The following GALNTL6 variants were observed in gnomAD, a reference collection of about 807,000 sequenced individuals.
GALNTL6 encodes the protein polypeptide N-acetylgalactosaminyltransferase-like 6.
A neutral mutation model predicts 73.7 loss-of-function variants in GALNTL6; 46 were observed. The ratio of observed to expected loss-of-function variants is 0.62; its 90% CI spans 0.49 to 0.80. The LOEUF (loss-of-function observed/expected upper bound fraction) is 0.80. Among genes scored for constraint, GALNTL6 ranks in the 30% least tolerant of loss-of-function variants. GALNTL6 has a pLI of 0.00. For synonymous variants in GALNTL6, 259 were observed against 263.7 expected, an observed-to-expected ratio of 0.98 and a Z score of 0.17; for missense variants, 604 against 755.0, an observed-to-expected ratio of 0.80 and a Z score of 2.34.
chr4:172,582,642 T>G (rs140231905), intron 5 of GALNTL6, among the ~76,000 whole-genome samples: 1 of 152,182 alleles, frequency 6.6e-6, no homozygotes, highest in Admixed American at 6.5e-5. Flanking sequence ...GATTTACTAC[T>G]AGTTTGTGTT....
chr4:172,077,527 G>A (rs2110914545), intron 2 of GALNTL6, among the ~76,000 whole-genome samples: 1 of 152,232 alleles, frequency 6.6e-6, no homozygotes, highest in South Asian at 2.1e-4. Context: ...AGATGATTTA[G>A]GGTATTTAAC....
intron 2 of GALNTL6, among the ~76,000 whole-genome samples, chr4:172,100,532 T>C (rs2110959301): frequency 6.6e-6 from 1 of 152,284 alleles, no homozygotes; most frequent in East Asian, 1.9e-4. Context: ...ATAATCATTA[T>C]GCCAAAAGGA....
intron 3 of GALNTL6, among the ~76,000 whole-genome samples, chr4:172,230,594 C>G (rs1351532895): frequency 1.3e-5 from 2 of 150,558 alleles, no homozygotes; most frequent in Middle Eastern, 3.2e-3. Flanking sequence ...AAAAAAAAGA[C>G]AAAAAAGAAT....
In GALNTL6 at chr4:172,457,173, G is replaced by T. The variant is rs532447638; in HGVS notation, c.553+108484G>T. Among the ~76,000 whole-genome samples the T allele has an allele frequency of 2.8e-3, 420 of 151,850 alleles. 4 individuals are homozygous for T. The highest frequency in any genetic ancestry group is 0.018 in the South Asian group (87 of 4,814). ...ATGCTGAGAGATTTTGTCACCACCA[G>T]GCCTGCCTTACAAGAGCTCCTGAAG... On this transcript the variant is annotated intron_variant, in intron 5 of 12. Coordinates refer to ENST00000506823, the MANE Select transcript of GALNTL6 (RefSeq NM_001034845.3).
At chr4:171,993,794 A>G (rs540694542) in intron 2 of GALNTL6, among the ~76,000 whole-genome samples, 1 of 151,688 alleles carries the variant, frequency 6.6e-6, no homozygotes, top group Non-Finnish European at 1.5e-5. Flanking sequence ...AAGACATTAT[A>G]TATATATACA....
chr4:171,935,823 T>G (rs932586054), intron 2 of GALNTL6, among the ~76,000 whole-genome samples: 1 of 151,864 alleles, frequency 6.6e-6, no homozygotes, highest in African/African-American at 2.4e-5. Context: ...TGTAGATGAA[T>G]TTTGTGGCTA....
intron 4 of GALNTL6, among the ~76,000 whole-genome samples, chr4:172,339,704 A>G (rs1346058072): frequency 6.6e-6 from 1 of 152,202 alleles, no homozygotes; most frequent in Non-Finnish European, 1.5e-5. Context: ...TGGGAGAAAC[A>G]AAGGGCTCTC....
intron 3 of GALNTL6, among the ~76,000 whole-genome samples, chr4:172,303,793 G>C (rs1740025402): frequency 6.6e-6 from 1 of 151,998 alleles, no homozygotes; most frequent in Non-Finnish European, 1.5e-5. Context: ...CATATATGCT[G>C]TTTTATATCT....
At chr4:172,916,100 A>G (rs1747492241) in intron 8 of GALNTL6, among the ~76,000 whole-genome samples, 2 of 152,244 alleles carry the variant, frequency 1.3e-5, no homozygotes, top group East Asian at 3.8e-4. Flanking sequence ...ACATATGCAA[A>G]TCAATAAGTG....
intron 5 of GALNTL6, among the ~76,000 whole-genome samples, chr4:172,569,083 T>C (rs1736669147): frequency 6.6e-6 from 1 of 152,160 alleles, no homozygotes; most frequent in Admixed American, 6.5e-5. Flanking sequence ...GACATGCTAT[T>C]CATTGGGCCC....
At chr4:172,264,469 AAT>A (rs33961476) in intron 3 of GALNTL6, among the ~76,000 whole-genome samples, 71,628 of 137,780 alleles carry the variant, frequency 0.52, 18,780 homozygotes, top group African/African-American at 0.6. Flanking sequence ...ATATATTCCA[AAT>A]ATATATATAT....
intron 2 of GALNTL6, among the ~76,000 whole-genome samples, chr4:171,817,772 G>A (rs532262449): frequency 6.6e-6 from 1 of 151,550 alleles, no homozygotes; most frequent in East Asian, 1.9e-4. Context: ...GAAAACCAAA[G>A]AGGATCGATA....
intron 5 of GALNTL6, among the ~76,000 whole-genome samples, chr4:172,753,632 C>T (rs181787207): frequency 1.2e-4 from 19 of 152,250 alleles, no homozygotes; most frequent in African/African-American, 4.6e-4. Context: ...AAAAAATGTG[C>T]TGTCACTATA....
intron 5 of GALNTL6, chr4:172,380,397 T>G: frequency 1.6e-6 from 1 of 638,218 alleles, no homozygotes. Flanking sequence ...TAATGGATGT[T>G]GCTCTCATAT....
chr4:172,422,777 G>T (rs1176248465), intron 5 of GALNTL6, among the ~76,000 whole-genome samples: 2 of 151,498 alleles, frequency 1.3e-5, no homozygotes, highest in Non-Finnish European at 2.9e-5. Context: ...AACCTATTCT[G>T]CCACAGCCTT....
At chr4:172,858,195 T>C (rs948699668) in intron 7 of GALNTL6, among the ~76,000 whole-genome samples, 1 of 152,192 alleles carries the variant, frequency 6.6e-6, no homozygotes, top group African/African-American at 2.4e-5. Context: ...AAACAACACT[T>C]CTCAATTTTA....
intron 10 of GALNTL6, among the ~76,000 whole-genome samples, chr4:172,988,482 A>C (rs999525511): frequency 6.6e-6 from 1 of 152,252 alleles, no homozygotes; most frequent in Admixed American, 6.5e-5. Flanking sequence ...GCAGAGCATA[A>C]AAGTTTAGGG....
chr4:171,823,829 T>C (rs532184121), intron 2 of GALNTL6, among the ~76,000 whole-genome samples: 10 of 151,180 alleles, frequency 6.6e-5, no homozygotes, highest in African/African-American at 2.2e-4. Flanking sequence ...AAGAGTGTAC[T>C]TAAGCATAGT....
chr4:172,065,622 T>C (rs562062002), intron 2 of GALNTL6, among the ~76,000 whole-genome samples: 7 of 151,976 alleles, frequency 4.6e-5, no homozygotes, highest in Admixed American at 1.3e-4. Context: ...AAGAGGAGGG[T>C]ACAGAGATTT....
Sources: allele counts gnomAD v4.1 joint callset (sites outside exome capture counted in the v4.1 genomes callset), GRCh38; gene constraint gnomAD v4.1.1; transcripts MANE v1.5; gene names NCBI Gene and HGNC (gene_info 2026-07-23, HGNC 2026-07-21).